The following AFF3 variants were observed in gnomAD, a reference collection of about 807,000 sequenced individuals.
AFF3 encodes the protein AF4/FMR2 family member 3.
AFF3 carries 32 observed loss-of-function variants against 129.7 expected under a neutral mutation model. That is an observed-to-expected ratio of 0.25 (90% CI 0.19 to 0.33). AFF3 has a LOEUF of 0.33. Ranked by LOEUF, AFF3 falls within the 10% of genes least tolerant of loss-of-function variation. The pLI, the probability that AFF3 is intolerant of heterozygous loss-of-function variation, is 1.00. For synonymous variants in AFF3, 644 were observed against 635.4 expected (o/e 1.01, Z -0.20); for missense variants, 1,373 against 1,592.0 (o/e 0.86, Z 2.34).
intron 1 of AFF3, among the ~76,000 whole-genome samples, chr2:100,136,107 G>A (rs1488463535): frequency 6.6e-6 from 1 of 152,208 alleles, no homozygotes; most frequent in Non-Finnish European, 1.5e-5. Context: ...CTTCGGACAT[G>A]TTAAGACGTA....
intron 4 of AFF3, among the ~76,000 whole-genome samples, chr2:100,022,676 T>C (rs189039637): frequency 1.3e-5 from 2 of 152,242 alleles, no homozygotes; most frequent in Admixed American, 1.3e-4. Context: ...CCTCCCAAAG[T>C]GCTAAGATTA....
chr2:99,598,674 G>C (rs145389084), intron 14 of AFF3, among the ~76,000 whole-genome samples: 270 of 152,336 alleles, frequency 1.8e-3, no homozygotes, highest in African/African-American at 6.0e-3. Context: ...CTTCAAAGCA[G>C]CACAAACTGG....
chr2:99,943,485 G>C (rs1282411868), intron 7 of AFF3, among the ~76,000 whole-genome samples: 4 of 152,180 alleles, frequency 2.6e-5, no homozygotes, highest in Non-Finnish European at 5.9e-5. Flanking sequence ...GATTTTCAAT[G>C]AATGGTGGTG....
At chr2:99,586,650 G>GTCCA (rs1226109519) in intron 16 of AFF3, among the ~76,000 whole-genome samples, 3 of 152,120 alleles carry the variant, frequency 2.0e-5, no homozygotes, top group Admixed American at 2.0e-4. Context: ...TGCTGGATGC[G>GTCCA]TCCATCTGGA....
Position 99,858,025 on chromosome 2 carries a change from G to A in AFF3, c.874-20501C>T, listed in dbSNP as rs998292625. Reference sequence around the variant, plus strand: ...GTCAACTAACTTGCTTTGACCAATGGGATGGACTGGACATGACAGCAGCTG... The same window carrying A: ...GTCAACTAACTTGCTTTGACCAATGAGATGGACTGGACATGACAGCAGCTG... On this transcript the variant is annotated intron_variant, in intron 7 of 24. Transcript: ENST00000672756. 3.3e-5 allele frequency among the ~76,000 whole-genome samples: 5 copies of A among 152,272 alleles called. No individual in the cohort carries two copies. In the South Asian group the frequency reaches 8.3e-4, roughly 25 times the overall value.
chr2:99,795,932 G>GA (rs1267135458), intron 8 of AFF3, among the ~76,000 whole-genome samples: 2 of 152,044 alleles, frequency 1.3e-5, no homozygotes, highest in African/African-American at 2.4e-5. Flanking sequence ...ATCTGTTTTA[G>GA]AAAAATTAAT....
In AFF3 at chr2:99,582,848, T is replaced by G. The variant is rs1677706424; in HGVS notation, c.2743A>C (p.Lys915Gln). 6.2e-7 allele frequency: 1 copy of G among 1,614,232 alleles called. No homozygotes were observed. Among genetic ancestry groups the G allele is most frequent in the African/African-American group, 1.3e-5 (1 of 75,052 alleles). ...NSLFTSASSS[K>Q]KPKADSQLQP... ...AGCTGGCTGTCGGCCTTAGGCTTTT[T>G]GCTGGAAGAGGCTGAAGTAAACAAA... The change falls in exon 17 of 25, where the codon AAA (lysine) becomes CAA (glutamine). Residue 915 changes from lysine to glutamine, a missense_variant. This residue lies in a region of AFF3 where 466 missense variants were observed against 505.0 expected (regional missense o/e 0.92). Transcript: ENST00000672756.
intron 12 of AFF3, among the ~76,000 whole-genome samples, chr2:99,672,048 C>T (rs570965072): frequency 6.6e-6 from 1 of 152,208 alleles, no homozygotes; most frequent in Middle Eastern, 3.4e-3. Flanking sequence ...TGGCTCACCT[C>T]TACATTTGCT....
At chr2:100,043,026 G>T (rs1277816493) in intron 4 of AFF3, among the ~76,000 whole-genome samples, 1 of 151,042 alleles carries the variant, frequency 6.6e-6, no homozygotes, top group Non-Finnish European at 1.5e-5. Context: ...CAACCCAGAA[G>T]AATTTTTTTT....
At chr2:100,105,442 G>A in intron 3 of AFF3, 62 bp downstream of exon 3, 1 of 1,320,906 alleles carries the variant, frequency 7.6e-7, no homozygotes, top group South Asian at 1.2e-5. Context: ...TCCAGTGGTG[G>A]TCCCACCCAC....
At chr2:99,720,494 G>C (rs1678792075) in intron 11 of AFF3, among the ~76,000 whole-genome samples, 1 of 152,106 alleles carries the variant, frequency 6.6e-6, no homozygotes, top group African/African-American at 2.4e-5. Context: ...CAGAAGCCAA[G>C]CAGATGCTGA....
At chr2:99,646,567 G>T (rs1441709729) in intron 13 of AFF3, among the ~76,000 whole-genome samples, 1 of 152,150 alleles carries the variant, frequency 6.6e-6, no homozygotes, top group Admixed American at 6.5e-5. Flanking sequence ...TTAATACCAG[G>T]CTCCAAGTAG....
chr2:99,796,861 C>T (rs1055581038), intron 8 of AFF3, among the ~76,000 whole-genome samples: 1 of 152,126 alleles, frequency 6.6e-6, no homozygotes, highest in African/African-American at 2.4e-5. Flanking sequence ...ATTAACAGGG[C>T]ATTGGATAGA....
At chr2:99,680,187 G>T (rs914457252) in intron 11 of AFF3, among the ~76,000 whole-genome samples, 2 of 152,072 alleles carry the variant, frequency 1.3e-5, no homozygotes, top group East Asian at 3.8e-4. Flanking sequence ...CCTCCTAAAA[G>T]AATTACAGGG....
At chr2:99,640,018 C>G (rs1684041538) in intron 13 of AFF3, among the ~76,000 whole-genome samples, 1 of 152,022 alleles carries the variant, frequency 6.6e-6, no homozygotes, top group African/African-American at 2.4e-5. Context: ...AGTAAAAAGA[C>G]AATGTGGCAG....
intron 11 of AFF3, among the ~76,000 whole-genome samples, chr2:99,688,785 G>A (rs974847955): frequency 6.6e-6 from 1 of 152,098 alleles, no homozygotes; most frequent in African/African-American, 2.4e-5. Context: ...CTGCGCCTGG[G>A]CATCTCTGCA....
At chr2:99,907,981 C>T (rs1451396592) in intron 7 of AFF3, among the ~76,000 whole-genome samples, 3 of 152,082 alleles carry the variant, frequency 2.0e-5, no homozygotes, top group Non-Finnish European at 2.9e-5. Flanking sequence ...CCATGGGATG[C>T]GTACAAATTA....
intron 8 of AFF3, among the ~76,000 whole-genome samples, chr2:99,757,729 A>G (rs1373016691): frequency 6.6e-6 from 1 of 152,166 alleles, no homozygotes; most frequent in African/African-American, 2.4e-5. Context: ...AGATCCCCTG[A>G]ATATACCACG....
At chr2:100,063,388 G>A (rs1368741389) in intron 4 of AFF3, among the ~76,000 whole-genome samples, 4 of 152,100 alleles carry the variant, frequency 2.6e-5, no homozygotes. Flanking sequence ...AGCGAAGATG[G>A]TGAATTTTAT....
Sources: gnomAD v4.1 joint callset for allele counts (sites outside exome capture counted in the v4.1 genomes callset) on GRCh38, gnomAD v4.1.1 for gene constraint, gnomAD v4.1.1 regional missense constraint, MANE v1.5 for transcripts, NCBI Gene and HGNC (gene_info 2026-07-23, HGNC 2026-07-21) for gene names.